FASTKD1: variants seen among roughly 807,000 people sequenced by gnomAD.
FASTKD1 encodes the protein FAST kinase domain-containing protein 1, mitochondrial.
Under a neutral mutation model 90.9 loss-of-function variants are expected in FASTKD1, and 94 were observed. That is an observed-to-expected ratio of 1.03 (90% CI 0.88 to 1.23). The LOEUF (loss-of-function observed/expected upper bound fraction) is 1.23, where lower values mean the gene tolerates loss of function less well. Ranked by LOEUF, FASTKD1 falls within the 50% of genes most tolerant of loss-of-function variation. The pLI is 0.00. For missense variants in FASTKD1, 945 were observed against 993.5 expected, an observed-to-expected ratio of 0.95 and a Z score of 0.66; for synonymous variants, 319 against 345.8, an observed-to-expected ratio of 0.92 and a Z score of 0.86.
intron 5 of FASTKD1, among the ~76,000 whole-genome samples, chr2:169,559,989 T>C (rs1269297403): frequency 6.6e-6 from 1 of 152,140 alleles, no homozygotes; most frequent in Non-Finnish European, 1.5e-5. Flanking sequence ...TTGATGATTA[T>C]TGTGATGAAG....
Position 169,537,346 on chromosome 2 carries a change from TA to T in FASTKD1, c.2075-7del. 1 of 1,517,152 alleles carries T rather than the reference TA, an allele frequency of 6.6e-7. No homozygotes were observed. The highest frequency in any genetic ancestry group is 9.0e-7 in the Non-Finnish European group (1 of 1,106,156). The allele number at this position is 1,517,152 out of a possible 1,614,324, so 94.0% of individuals were successfully genotyped here. A position where few individuals can be genotyped will look rare whatever the true frequency, so the allele number is the denominator to read the frequency against. ...TCCATCCATGCCACCAATACCTTTATAAAAAAATAAATAATTAGTCTACTTA... is the reference window on the plus strand; with the variant it reads ...TCCATCCATGCCACCAATACCTTTATAAAAAATAAATAATTAGTCTACTTA... On this transcript the variant is annotated splice_polypyrimidine_tract_variant and splice_region_variant and intron_variant, in intron 11 of 14. Transcript: ENST00000453153.
Position 169,561,744 on chromosome 2 carries a change from C to T in FASTKD1, c.573-959G>A, listed in dbSNP as rs12623858. Among the ~76,000 whole-genome samples the T allele has an allele frequency of 8.0e-4, 58 of 72,956 alleles. No individual in the cohort carries two copies. The East Asian group carries it at 0.012, about 15-fold the overall frequency. The allele number at this position is 72,956 out of a possible 152,430, so 47.9% of individuals were successfully genotyped here. On this transcript the variant is annotated intron_variant, in intron 4 of 14. Transcript: ENST00000453153. ...ATTAATCTATTATAAATTAATTATT[C>T]ATTATAAATTATTTATTAATTTATT... is the stretch of plus-strand genomic sequence containing the variant.
chr2:169,553,347 T>C (rs1052091847), intron 7 of FASTKD1, among the ~76,000 whole-genome samples: 2 of 135,182 alleles, frequency 1.5e-5, no homozygotes, highest in Non-Finnish European at 3.1e-5. Context: ...ATTTAGAACA[T>C]AAAATTCATA....
Position 169,530,586 on chromosome 2 carries a change from C to G in FASTKD1, c.2442+1G>C, listed in dbSNP as rs1574359796. The stretch of plus-strand genomic sequence containing the variant: ...GGCTGAATTACATGAGTATTTCATA[C>G]CTGAATTACACGATACCCCAGAATT... On this transcript the variant is annotated splice_donor_variant, in intron 14 of 14. Transcript: ENST00000453153. LOFTEE classifies it high-confidence loss of function. The G allele has an allele frequency of 6.4e-7, 1 of 1,567,980 alleles. No homozygotes were observed.
At chr2:169,557,873 A>C (rs968924252) in intron 5 of FASTKD1, among the ~76,000 whole-genome samples, 13 of 152,362 alleles carry the variant, frequency 8.5e-5, no homozygotes, top group Non-Finnish European at 2.9e-5. Flanking sequence ...ATTTTTTAGA[A>C]TCATTTAGAA....
At chr2:169,569,625 C>T (rs1012986866) in intron 2 of FASTKD1, among the ~76,000 whole-genome samples, 3 of 152,028 alleles carry the variant, frequency 2.0e-5, no homozygotes, top group Non-Finnish European at 4.4e-5. Flanking sequence ...CTGAGGCGGG[C>T]GGATCACTTA....
At chr2:169,568,688 G>GAAAGA (rs1213177919) in intron 3 of FASTKD1, among the ~76,000 whole-genome samples, 1 of 114,628 alleles carries the variant, frequency 8.7e-6, no homozygotes, top group Non-Finnish European at 2.0e-5. Context: ...GAAAAAGAAA[G>GAAAGA]AAAGAAAAGA....
At chr2:169,549,556 C>T (rs1685395905) in intron 7 of FASTKD1, among the ~76,000 whole-genome samples, 1 of 152,064 alleles carries the variant, frequency 6.6e-6, no homozygotes, top group Non-Finnish European at 1.5e-5. Flanking sequence ...CCTTGACCTC[C>T]TGGGCTCAAG....
rs761957343 is a variant in FASTKD1 at position 169,560,590 on chromosome 2, A to G, written c.768T>C (p.Phe256=). The change falls in exon 5 of 15, where the codon TTT becomes TTC. Residue 256 remains phenylalanine, a synonymous_variant. Coordinates refer to ENST00000453153, the MANE Select transcript of FASTKD1 (RefSeq NM_024622.6). The part of the protein sequence containing the change: ...QPLLERCNNV[F]LSNVDHLDLD... ...AATCAAGGTGGTCCACATTACTTAAAAATACGTTATTACATCTTTCTAATA... is the reference window on the plus strand; with the variant it reads ...AATCAAGGTGGTCCACATTACTTAAGAATACGTTATTACATCTTTCTAATA... 2 of 1,607,864 alleles carry G rather than the reference A, an allele frequency of 1.2e-6. No individual in the cohort carries two copies. Among genetic ancestry groups the G allele is most frequent in the East Asian group, 4.5e-5 (2 of 44,766 alleles).
At chr2:169,543,404 A>T (rs1221491840) in intron 9 of FASTKD1, among the ~76,000 whole-genome samples, 2 of 152,296 alleles carry the variant, frequency 1.3e-5, no homozygotes, top group East Asian at 1.9e-4. Context: ...CGGAGGTTGC[A>T]GTGAGCCGAG....
chr2:169,542,480 G>A (rs1244995240), intron 9 of FASTKD1, among the ~76,000 whole-genome samples: 1 of 152,242 alleles, frequency 6.6e-6, no homozygotes, highest in African/African-American at 2.4e-5. Context: ...GTAATTTCCT[G>A]TCTCTGCTGT....
chr2:169,554,618 T>A (rs1479059881), intron 7 of FASTKD1, among the ~76,000 whole-genome samples: 1 of 120,888 alleles, frequency 8.3e-6, no homozygotes, highest in Non-Finnish European at 2.0e-5. Context: ...GAGCCAAGAT[T>A]GCTCCACTGC....
intron 3 of FASTKD1, among the ~76,000 whole-genome samples, chr2:169,564,946 A>ATTTTT (rs151140092): frequency 1.5e-5 from 2 of 130,936 alleles, no homozygotes; most frequent in Non-Finnish European, 3.2e-5. Context: ...TATATACCAC[A>ATTTTT]TTTTTCTTTT....
In FASTKD1 at chr2:169,561,956, A is replaced by T. The variant is rs1455429959; in HGVS notation, c.573-1171T>A. ...GTTAATTTATTATAAATTAATTATT[A>T]ATTTATTGTAAATTAATTATTCATT... is the stretch of plus-strand genomic sequence containing the variant. On this transcript the variant is annotated intron_variant, in intron 4 of 14. Coordinates refer to ENST00000453153, the MANE Select transcript of FASTKD1 (RefSeq NM_024622.6). Among the ~76,000 whole-genome samples, 2 of 128,580 alleles carry T rather than the reference A, an allele frequency of 1.6e-5. 1 individual carries two copies. The highest frequency in any genetic ancestry group is 5.9e-5 in the African/African-American group (2 of 34,170). 84.4% of individuals were successfully genotyped at this position (128,580 alleles called of 152,430 possible). A position where few individuals can be genotyped will look rare whatever the true frequency, so the allele number is the denominator to read the frequency against.
intron 12 of FASTKD1, 75 bp from the exon 13 acceptor site, chr2:169,531,565 T>C (rs1471430882): frequency 1.8e-6 from 2 of 1,090,384 alleles, no homozygotes; most frequent in Non-Finnish European, 2.6e-6. Context: ...ATATTTGAAA[T>C]ATATATGCAT....
rs186016801 is a variant in FASTKD1 at position 169,557,177 on chromosome 2, G to A, written c.1082+10C>T. Reference sequence around the variant, plus strand: ...AACAAACTTAACGTCGTAAATTTCAGAAAAGATACCTTTTAATCAGACATG... The same window carrying A: ...AACAAACTTAACGTCGTAAATTTCAAAAAAGATACCTTTTAATCAGACATG... On this transcript the variant is annotated intron_variant, in intron 6 of 14. Coordinates refer to ENST00000453153, the MANE Select transcript of FASTKD1 (RefSeq NM_024622.6). 131 of 1,551,840 alleles carry A rather than the reference G, an allele frequency of 8.4e-5. No homozygotes were observed. The African/African-American group carries it at 1.5e-3, about 17-fold the overall frequency.
At chr2:169,573,063 C>T (rs1484366690) in intron 1 of FASTKD1, 1 of 152,134 alleles carries the variant, frequency 6.6e-6, no homozygotes, top group Non-Finnish European at 1.5e-5. Flanking sequence ...TTAAAAAATC[C>T]TTCTAGTACT....
chr2:169,570,697 A>G (rs1487541072), intron 2 of FASTKD1, among the ~76,000 whole-genome samples: 1 of 135,468 alleles, frequency 7.4e-6, no homozygotes, highest in Non-Finnish European at 1.6e-5. Context: ...TTTTTTGGAG[A>G]CAGCGTCTCA....
chr2:169,555,082 T>C (rs983901920), intron 7 of FASTKD1, 42 bp downstream of exon 7: 9 of 1,573,352 alleles, frequency 5.7e-6, no homozygotes, highest in Middle Eastern at 1.7e-4. Context: ...ATATTGTGGC[T>C]AGAAAATGAA....
Sources: allele counts gnomAD v4.1 joint callset (sites outside exome capture counted in the v4.1 genomes callset), GRCh38; gene constraint gnomAD v4.1.1; transcripts MANE v1.5; gene names NCBI Gene and HGNC (gene_info 2026-07-23, HGNC 2026-07-21).